The following COL7A1 variants were observed in gnomAD, a reference collection of about 807,000 sequenced individuals.
The protein encoded by COL7A1 is collagen alpha-1(VII) chain.
Under a neutral mutation model 456.2 loss-of-function variants are expected in COL7A1, and 296 were observed. The observed-to-expected ratio is 0.65, with a 90% CI of 0.59 to 0.71. The LOEUF (loss-of-function observed/expected upper bound fraction) is 0.71, where lower values mean the gene tolerates loss of function less well. Ranked by LOEUF, COL7A1 falls within the 30% of genes least tolerant of loss-of-function variation. The pLI is 0.00. For missense variants in COL7A1, 3,441 were observed against 4,017.2 expected (o/e 0.86, Z 3.88); for synonymous variants, 1,464 against 1,525.9 (o/e 0.96, Z 0.95).
In COL7A1 at chr3:48,571,642, A is replaced by C; in HGVS notation, c.7068+359T>G. The stretch of plus-strand genomic sequence containing the variant: ...GTAGAGCAGGCATGGCCACAGGCTG[A>C]ACGCTGGCAGCCAGGGGCAGGGGAA... On this transcript the variant is annotated intron_variant, in intron 92 of 118. Transcript: ENST00000681320. This position sits in a 1 kb window ranked among gnomAD's most constrained non-coding sequence, Gnocchi z 4.6. 3.1e-6 allele frequency: 2 copies of C among 653,632 alleles called. No homozygotes were observed. Among genetic ancestry groups the C allele is most frequent in the Non-Finnish European group, 5.8e-6 (2 of 343,932 alleles). The allele number at this position is 653,632 out of a possible 1,614,324, so 40.5% of individuals were successfully genotyped here.
In COL7A1 at chr3:48,565,452, G is replaced by A. The variant is rs2043561757; in HGVS notation, c.8485C>T (p.His2829Tyr). Reference protein sequence around the residue: ...YAADTAGSQLHAVPVLRVSHA... With the variant: ...YAADTAGSQLYAVPVLRVSHA... ...GAGACGCGGAGCACAGGCACAGCAT[G>A]GAGCTGGGAGCCGGCAGTGTCTGCA... Residue 2829 changes from histidine (H) to tyrosine (Y), a missense_variant, in exon 116 of 119, where the codon CAT becomes TAT. Physicochemically the swap from His to Tyr is moderately conservative, Grantham distance 83 (BLOSUM62 2). Around this residue, in one of 3 missense-constraint regions of COL7A1, gnomAD observed 2,084 missense variants for 2,501.3 expected, o/e 0.83. Coordinates refer to ENST00000681320, the MANE Select transcript of COL7A1 (RefSeq NM_000094.4). The surrounding 1 kb of genome is among the most constrained non-coding windows in gnomAD (Gnocchi z 4.5). 1.2e-6 allele frequency: 2 copies of A among 1,613,232 alleles called. No individual in the cohort carries two copies. The highest frequency in any genetic ancestry group is 1.7e-6 in the Non-Finnish European group (2 of 1,179,660).
intron 37 of COL7A1, 75 bp downstream of exon 37, chr3:48,584,222 GT>G: frequency 6.5e-7 from 1 of 1,532,844 alleles, no homozygotes; most frequent in Non-Finnish European, 8.9e-7. Flanking sequence ...AAGGGCCAGA[GT>G]AACTGGCAGG....
Position 48,588,443 on chromosome 3 carries a change from C to T in COL7A1, c.2588-39G>A. 6.2e-7 allele frequency: 1 copy of T among 1,601,600 alleles called. No homozygotes were observed. Among genetic ancestry groups the T allele is most frequent in the South Asian group, 1.1e-5 (1 of 90,662 alleles). The stretch of plus-strand genomic sequence containing the variant: ...TCAGGAATCAGGGAGGCTCTGCCCC[C>T]ATGGCCCCTGCACCAATCCCAGGCC... On this transcript the variant is annotated intron_variant, in intron 20 of 118. Transcript: ENST00000681320. The surrounding 1 kb of genome is among the most constrained non-coding windows in gnomAD (Gnocchi z 4.6).
chr3:48,590,948 A>T lies in COL7A1; in HGVS notation c.1637-132T>A. ...GGATGTGGGGTGGTGGGGACCAGAGAGCTGGGATATGGCTGAAAAAAGTGA... is the reference window on the plus strand; with the variant it reads ...GGATGTGGGGTGGTGGGGACCAGAGTGCTGGGATATGGCTGAAAAAAGTGA... On this transcript the variant is annotated intron_variant, in intron 13 of 118. Transcript: ENST00000681320. The surrounding 1 kb of genome is among the most constrained non-coding windows in gnomAD (Gnocchi z 4.6). 1.0e-6 allele frequency: 1 copy of T among 997,484 alleles called. No individual in the cohort carries two copies. The highest frequency in any genetic ancestry group is 1.4e-5 in the South Asian group (1 of 73,234). The allele number at this position is 997,484 out of a possible 1,614,324, so 61.8% of individuals were successfully genotyped here.
chr3:48,589,542 T>C, intron 17 of COL7A1, 57 bp downstream of exon 17: 4 of 1,608,064 alleles, frequency 2.5e-6, no homozygotes, highest in Non-Finnish European at 3.4e-6. Context: ...GGACCCCCAA[T>C]AAACCCCCAG....
In COL7A1 at chr3:48,579,637, G is replaced by A. The variant is rs1291379968; in HGVS notation, c.5186C>T (p.Pro1729Leu). The A allele has an allele frequency of 6.2e-7, 1 of 1,613,724 alleles. No homozygotes were observed. The highest frequency in any genetic ancestry group is 8.5e-7 in the Non-Finnish European group (1 of 1,180,006). The change falls in exon 59 of 119, where the codon CCT becomes CTT. Residue 1729 changes from proline (P) to leucine (L), a missense_variant. Transcript: ENST00000681320. The surrounding 1 kb of genome is among the most constrained non-coding windows in gnomAD (Gnocchi z 4.4). ...GEPGDRGQEGPRGPKGDPGLP... is the reference protein window; with the variant it reads ...GEPGDRGQEGLRGPKGDPGLP... ...GCCAGGATCACCCTTGGGCCCTCGA[G>A]GACCCTCTTGTCCGCGGTCCCCAGG...
chr3:48,589,237 G>A, intron 18 of COL7A1, 90 bp downstream of exon 18: 2 of 1,577,170 alleles, frequency 1.3e-6, no homozygotes, highest in Non-Finnish European at 1.7e-6. Context: ...TCACTGAGCA[G>A]GGGGGTGGAG....
Position 48,565,754 on chromosome 3 carries a change from G to C in COL7A1, c.8408-86C>G. On this transcript the variant is annotated intron_variant, in intron 114 of 118. Transcript: ENST00000681320. This position sits in a 1 kb window ranked among gnomAD's most constrained non-coding sequence, Gnocchi z 4.5. Reference sequence around the variant, plus strand: ...GACAGACAGAGACACACAGGCAGAGGGGTAGAGATACACAAAGAGATAGCA... The same window carrying C: ...GACAGACAGAGACACACAGGCAGAGCGGTAGAGATACACAAAGAGATAGCA... The C allele has an allele frequency of 7.7e-7, 1 of 1,298,306 alleles. No individual in the cohort carries two copies. Among genetic ancestry groups the C allele is most frequent in the South Asian group, 1.3e-5 (1 of 79,100 alleles). 80.4% of individuals were successfully genotyped at this position (1,298,306 alleles called of 1,614,324 possible).
intron 2 of COL7A1, 28 bp downstream of exon 2, chr3:48,595,047 G>A (rs755613516): frequency 3.3e-6 from 5 of 1,533,054 alleles, no homozygotes; most frequent in South Asian, 2.4e-5. Context: ...GCAGTGCCCC[G>A]GGCCGGGTCC....
Position 48,567,832 on chromosome 3 carries a change from C to T in COL7A1, c.7929+6G>A. ...CGTAGCCCCCCAGCCCCCATCCCCT[C>T]TGTACCTTGTCTCCCTTCTCTCCAT... is the stretch of plus-strand genomic sequence containing the variant. On this transcript the variant is annotated splice_donor_region_variant and intron_variant, in intron 107 of 118. Coordinates refer to ENST00000681320, the MANE Select transcript of COL7A1 (RefSeq NM_000094.4). The surrounding 1 kb of genome is among the most constrained non-coding windows in gnomAD (Gnocchi z 4.3). 6.2e-7 allele frequency: 1 copy of T among 1,614,182 alleles called. No individual in the cohort carries two copies. The highest frequency in any genetic ancestry group is 2.2e-5 in the East Asian group (1 of 44,884).
In COL7A1 at chr3:48,594,302, T is replaced by C; in HGVS notation, c.266+66A>G. 6.3e-7 allele frequency: 1 copy of C among 1,581,514 alleles called. No homozygotes were observed. The highest frequency in any genetic ancestry group is 8.6e-7 in the Non-Finnish European group (1 of 1,162,688). On this transcript the variant is annotated intron_variant, in intron 3 of 118. Coordinates refer to ENST00000681320, the MANE Select transcript of COL7A1 (RefSeq NM_000094.4). The surrounding 1 kb of genome is among the most constrained non-coding windows in gnomAD (Gnocchi z 5.5). ...CTGGCCTGGGGTTTCCAGGGTCTCC[T>C]CCCTCTCTGGGGAAGGAGTCTTGGT...
rs2045011505 is a variant in COL7A1, at chr3:48,584,045, C to T, written c.4214G>A (p.Arg1405His). 9.3e-6 allele frequency: 15 copies of T among 1,614,038 alleles called. No individual in the cohort carries two copies. Among genetic ancestry groups the T allele is most frequent in the Admixed American group, 5.0e-5 (3 of 60,006 alleles). Residue 1405 changes from arginine (R) to histidine (H), a missense_variant, in exon 38 of 119, where the codon CGT (arginine) becomes CAT (histidine). By Grantham distance (29) the Arg-to-His change is conservative (BLOSUM62 0). Transcript: ENST00000681320. ...CTGTCCCTCACTTACCCGCTCCCCA[C>T]GATCGCCTTTGTCACCCTAGAAAAC... The part of the protein sequence containing the change: ...GTAMKGDKGD[R>H]GERGPPGPGE...
In COL7A1 at chr3:48,566,190, G is replaced by C; in HGVS notation, c.8407+77C>G. On this transcript the variant is annotated intron_variant, in intron 114 of 118. Transcript: ENST00000681320. This position sits in a 1 kb window ranked among gnomAD's most constrained non-coding sequence, Gnocchi z 5.9. ...CCCCATCTTCTTGACTGCTTGCCCTGTAAGTTCTAGGGGCCTGCCTGCCCT... is the reference window on the plus strand; with the variant it reads ...CCCCATCTTCTTGACTGCTTGCCCTCTAAGTTCTAGGGGCCTGCCTGCCCT... 1 of 1,487,342 alleles carries C rather than the reference G, an allele frequency of 6.7e-7. No individual in the cohort carries two copies. The highest frequency in any genetic ancestry group is 2.4e-5 in the East Asian group (1 of 41,500). The allele number at this position is 1,487,342 out of a possible 1,614,324, so 92.1% of individuals were successfully genotyped here.
In COL7A1 at chr3:48,568,346, GCTA is replaced by G. The variant is rs1575420357; in HGVS notation, c.7794+150_7794+152del. 10 of 1,042,062 alleles carry G rather than the reference GCTA, an allele frequency of 9.6e-6. No individual in the cohort carries two copies. The East Asian group carries it at 2.5e-4, about 26-fold the overall frequency. 64.6% of individuals were successfully genotyped at this position (1,042,062 alleles called of 1,614,324 possible). A position where few individuals can be genotyped will look rare whatever the true frequency, so the allele number is the denominator to read the frequency against. ...TAGGCAGGGGACACCATCATAGGCG[GCTA>G]CTGTGGAGGTGGGGGACCCTGGGTG... On this transcript the variant is annotated intron_variant, in intron 105 of 118. Coordinates refer to ENST00000681320, the MANE Select transcript of COL7A1 (RefSeq NM_000094.4). This position sits in a 1 kb window ranked among gnomAD's most constrained non-coding sequence, Gnocchi z 5.2.
intron 65 of COL7A1, among the ~76,000 whole-genome samples, chr3:48,577,528 C>G (rs1379140749): frequency 6.6e-6 from 1 of 152,178 alleles, no homozygotes; most frequent in East Asian, 1.9e-4. Context: ...TGACCATAAG[C>G]GTGTGGGTGA....
rs2045579564 is a variant in COL7A1 at position 48,590,053 on chromosome 3, C to G, written c.2050+160G>C. ...ACGGGGAGGGCTTAAGGGGAGACAG[C>G]TGAAACTGAAGAGGAAGCAGCGTCT... On this transcript the variant is annotated intron_variant, in intron 16 of 118. Coordinates refer to ENST00000681320, the MANE Select transcript of COL7A1 (RefSeq NM_000094.4). This position sits in a 1 kb window ranked among gnomAD's most constrained non-coding sequence, Gnocchi z 4.6. Among the ~76,000 whole-genome samples the G allele has an allele frequency of 6.6e-6, 1 of 151,928 alleles. No individual in the cohort carries two copies. The highest frequency in any genetic ancestry group is 6.6e-5 in the Admixed American group (1 of 15,258).
chr3:48,574,878 G>C lies in COL7A1; in HGVS notation c.6280-13C>G. 1 of 1,613,686 alleles carries C rather than the reference G, an allele frequency of 6.2e-7. No individual in the cohort carries two copies. On this transcript the variant is annotated splice_polypyrimidine_tract_variant and intron_variant, in intron 76 of 118. Coordinates refer to ENST00000681320, the MANE Select transcript of COL7A1 (RefSeq NM_000094.4). The surrounding 1 kb of genome is among the most constrained non-coding windows in gnomAD (Gnocchi z 5.0). ...CATCCACAGACACCTACAAACACAA[G>C]GTCACAGGGGAGAGATGTCTCTGTC... is the stretch of plus-strand genomic sequence containing the variant.
chr3:48,588,459 A>G lies in COL7A1; in HGVS notation c.2588-55T>C, dbSNP rs563301161. 3.1e-5 allele frequency: 49 copies of G among 1,597,862 alleles called. No individual in the cohort carries two copies. The Admixed American group carries it at 3.4e-4, about 11-fold the overall frequency. On this transcript the variant is annotated intron_variant, in intron 20 of 118. Coordinates refer to ENST00000681320, the MANE Select transcript of COL7A1 (RefSeq NM_000094.4). The surrounding 1 kb of genome is among the most constrained non-coding windows in gnomAD (Gnocchi z 4.6). Reference sequence around the variant, plus strand: ...CTCTGCCCCCATGGCCCCTGCACCAATCCCAGGCCCACCCTGGCACACGCA... The same window carrying G: ...CTCTGCCCCCATGGCCCCTGCACCAGTCCCAGGCCCACCCTGGCACACGCA...
rs1352295567 is a variant in COL7A1 at position 48,574,613 on chromosome 3, C to T, written c.6394-63G>A. The stretch of plus-strand genomic sequence containing the variant: ...TGCCACGTGCCCAGGTGCATATGCA[C>T]ACCACCTCTAGTGTGCCCCCAGAAA... On this transcript the variant is annotated intron_variant, in intron 78 of 118. Coordinates refer to ENST00000681320, the MANE Select transcript of COL7A1 (RefSeq NM_000094.4). This position sits in a 1 kb window ranked among gnomAD's most constrained non-coding sequence, Gnocchi z 5.0. 1.9e-6 allele frequency: 3 copies of T among 1,613,744 alleles called. No individual in the cohort carries two copies. The highest frequency in any genetic ancestry group is 4.5e-5 in the East Asian group (2 of 44,892).
Sources: gnomAD v4.1 joint callset for allele counts (sites outside exome capture counted in the v4.1 genomes callset) on GRCh38, gnomAD v4.1.1 for gene constraint, gnomAD v4.1.1 regional missense constraint, Gnocchi (gnomAD v3.1) non-coding constraint, MANE v1.5 for transcripts, NCBI Gene and HGNC (gene_info 2026-07-23, HGNC 2026-07-21) for gene names.